OCLN: variants seen among roughly 807,000 people sequenced by gnomAD.
OCLN encodes occludin, also known as phosphatase 1, regulatory subunit 115.
Under a neutral mutation model 47.9 loss-of-function variants are expected in OCLN, and 21 were observed. The observed-to-expected ratio is 0.44, with a 90% CI of 0.31 to 0.63. OCLN has a LOEUF of 0.63. Among genes scored for constraint, OCLN ranks in the 30% least tolerant of loss-of-function variants. The pLI, the probability that OCLN is intolerant of heterozygous loss-of-function variation, is 0.08. For missense variants in OCLN, 360 were observed against 571.0 expected, an observed-to-expected ratio of 0.63 and a Z score of 3.77; for synonymous variants, 117 against 198.4, an observed-to-expected ratio of 0.59 and a Z score of 3.45.
intron 4 of OCLN, among the ~76,000 whole-genome samples, chr5:69,514,967 C>T (rs1768888298): frequency 6.6e-6 from 1 of 152,244 alleles, no homozygotes; most frequent in Non-Finnish European, 1.5e-5. Context: ...TCAATCCTTT[C>T]CCCGCCTTTC....
intron 4 of OCLN, among the ~76,000 whole-genome samples, chr5:69,525,873 C>G (rs1226354933): frequency 6.6e-6 from 1 of 152,114 alleles, no homozygotes; most frequent in African/African-American, 2.4e-5. Flanking sequence ...GGCTGAGAAT[C>G]AACTAATGTT....
chr5:69,496,249 C>T (rs1768285918), intron 1 of OCLN, among the ~76,000 whole-genome samples: 1 of 152,080 alleles, frequency 6.6e-6, no homozygotes, highest in African/African-American at 2.4e-5. Flanking sequence ...CAGGCGCCTG[C>T]CACCATGCCC....
At chr5:69,524,401 T>C (rs1769222597) in intron 4 of OCLN, among the ~76,000 whole-genome samples, 1 of 152,246 alleles carries the variant, frequency 6.6e-6, no homozygotes, top group Non-Finnish European at 1.5e-5. Flanking sequence ...TTATTATAAT[T>C]TGCTTTTTAA....
rs70992947 is a variant in OCLN, at chr5:69,494,205, GTT to G, written c.-69+1309_-69+1310del. On this transcript the variant is annotated intron_variant, in intron 1 of 8. Transcript: ENST00000396442. The stretch of plus-strand genomic sequence containing the variant: ...GGTGCTTGTGTGTGTGTGTGTGTGT[GTT>G]TTTCCGAGACGGAGTCTGGCTCTGT... 3.1e-5 allele frequency among the ~76,000 whole-genome samples: 4 copies of G among 129,630 alleles called. No homozygotes were observed. The East Asian group carries it at 6.9e-4, about 22-fold the overall frequency. The allele number at this position is 129,630 out of a possible 152,430, so 85.0% of individuals were successfully genotyped here. A position where few individuals can be genotyped will look rare whatever the true frequency, so the allele number is the denominator to read the frequency against.
At chr5:69,530,020 A>T (rs964955134) in intron 4 of OCLN, among the ~76,000 whole-genome samples, 5 of 152,178 alleles carry the variant, frequency 3.3e-5, no homozygotes. Flanking sequence ...GTTTAGAATT[A>T]TGCCTAGCTG....
intron 5 of OCLN, among the ~76,000 whole-genome samples, chr5:69,537,189 C>CT (rs1157355945): frequency 0.51 from 40,725 of 80,162 alleles, 14,408 homozygotes; most frequent in Non-Finnish European, 0.71. Context: ...ATTCTATAAG[C>CT]TTTTTTTTTT....
chr5:69,511,647 C>T (rs375409679), intron 3 of OCLN, among the ~76,000 whole-genome samples: 2 of 152,254 alleles, frequency 1.3e-5, no homozygotes, highest in South Asian at 4.1e-4. Flanking sequence ...AACTCCTGGG[C>T]TCAAGTGATC....
intron 7 of OCLN, among the ~76,000 whole-genome samples, chr5:69,549,330 G>C (rs1195526543): frequency 1.6e-5 from 1 of 63,758 alleles, no homozygotes; most frequent in Non-Finnish European, 2.8e-5. Context: ...GACAGAGTGA[G>C]ACTCCATCTC....
chr5:69,531,325 C>G (rs76142857), intron 4 of OCLN, among the ~76,000 whole-genome samples: 1 of 152,118 alleles, frequency 6.6e-6, no homozygotes, highest in Non-Finnish European at 1.5e-5. Flanking sequence ...GGCACATGAG[C>G]CAAGAATTGA....
chr5:69,548,266 A>G (rs976485776), intron 7 of OCLN, among the ~76,000 whole-genome samples, 165 bp downstream of exon 7: 11 of 141,170 alleles, frequency 7.8e-5, no homozygotes, highest in African/African-American at 2.9e-4. Flanking sequence ...CTTTCCTAAT[A>G]GAAGATTGTA....
rs1029605974 is a variant in OCLN, at chr5:69,509,133, C to T, written c.51-8C>T. 3.1e-6 allele frequency: 5 copies of T among 1,611,506 alleles called. No homozygotes were observed. In the African/African-American group the frequency reaches 4.0e-5, roughly 13 times the overall value. On this transcript the variant is annotated splice_region_variant and splice_polypyrimidine_tract_variant and intron_variant, in intron 2 of 8. Coordinates refer to ENST00000396442, the MANE Select transcript of OCLN (RefSeq NM_001205254.2). ...GCTAACTTGAAATTATTTTCATGTT[C>T]ATTTCAGCAAACCGAATCATTATGC...
chr5:69,509,880 A>G (rs1039325960), intron 3 of OCLN, 61 bp downstream of exon 3: 11 of 1,198,576 alleles, frequency 9.2e-6, no homozygotes, highest in Non-Finnish European at 1.1e-5. Context: ...AACTTGAGAT[A>G]TGTGATAGAA....
At chr5:69,498,115 G>T (rs1424981007) in intron 1 of OCLN, among the ~76,000 whole-genome samples, 1 of 151,922 alleles carries the variant, frequency 6.6e-6, no homozygotes, top group Non-Finnish European at 1.5e-5. Flanking sequence ...CTGGGCGACA[G>T]AGCGAGACTC....
At position 69,532,009 on chromosome 5, in the gene OCLN, G is replaced by A. The variant is rs1413114860; in HGVS notation, c.892-2685G>A. Among the ~76,000 whole-genome samples, 19 of 152,206 alleles carry A rather than the reference G, an allele frequency of 1.2e-4. 1 individual carries two copies. The highest frequency in any genetic ancestry group is 1.2e-3 in the Admixed American group (19 of 15,280). On this transcript the variant is annotated intron_variant, in intron 4 of 8. Transcript: ENST00000396442. Reference sequence around the variant, plus strand: ...TGTAAAAATTATTTGATCAGATCAAGTGGCCTTAATTCCAAAATCCAGCAT... The same window carrying A: ...TGTAAAAATTATTTGATCAGATCAAATGGCCTTAATTCCAAAATCCAGCAT...
At chr5:69,502,498 A>G (rs1432483694) in intron 1 of OCLN, 3 of 152,222 alleles carry the variant, frequency 2.0e-5, no homozygotes, top group Admixed American at 6.5e-5. Context: ...CTGGACGTCT[A>G]CTATGTGCCA....
At chr5:69,525,906 C>T (rs961786185) in intron 4 of OCLN, among the ~76,000 whole-genome samples, 8 of 152,150 alleles carry the variant, frequency 5.3e-5, no homozygotes, top group African/African-American at 1.4e-4. Flanking sequence ...AAAGTAGGTA[C>T]CCTCAGCTGT....
At chr5:69,497,370 A>T (rs1768322160) in intron 1 of OCLN, among the ~76,000 whole-genome samples, 1 of 149,604 alleles carries the variant, frequency 6.7e-6, no homozygotes, top group Admixed American at 6.8e-5. Context: ...TTGTCTTAAG[A>T]CATGGTTTTT....
At chr5:69,525,180 C>T (rs1288737616) in intron 4 of OCLN, among the ~76,000 whole-genome samples, 1 of 151,890 alleles carries the variant, frequency 6.6e-6, no homozygotes, top group Non-Finnish European at 1.5e-5. Flanking sequence ...TCTCGGCTCA[C>T]TGCGAGCTCC....
At chr5:69,520,529 G>A (rs1233024102) in intron 4 of OCLN, among the ~76,000 whole-genome samples, 1 of 148,650 alleles carries the variant, frequency 6.7e-6, no homozygotes, top group Non-Finnish European at 1.5e-5. Context: ...TCAAACTTCT[G>A]ACTACGTGAT....
Sources: allele counts gnomAD v4.1 joint callset (sites outside exome capture counted in the v4.1 genomes callset), GRCh38; gene constraint gnomAD v4.1.1; transcripts MANE v1.5; gene names NCBI Gene and HGNC (gene_info 2026-07-23, HGNC 2026-07-21).